Variants in L3MBTL1 observed in about 807,000 individuals in gnomAD.
The protein encoded by L3MBTL1 is L3MBTL histone methyl-lysine binding protein 1, also known as lethal(3)malignant brain tumor-like protein 1.
A neutral mutation model predicts 105.3 loss-of-function variants in L3MBTL1; 75 were observed. The ratio of observed to expected loss-of-function variants is 0.71; its 90% confidence interval spans 0.59 to 0.86. The LOEUF is 0.86. L3MBTL1 is among the 40% of genes least tolerant of loss of function. The probability of loss-of-function intolerance (pLI) is 0.00; values close to 1 mark genes in which losing one functional copy is unlikely to be tolerated. For synonymous variants in L3MBTL1, 452 were observed against 436.2 expected (o/e 1.04, Z -0.45); for missense variants, 1,069 against 1,126.4 (o/e 0.95, Z 0.73).
intron 1 of L3MBTL1, among the ~76,000 whole-genome samples, chr20:43,508,199 T>C (rs943239569): frequency 5.9e-5 from 9 of 151,934 alleles, no homozygotes; most frequent in African/African-American, 2.2e-4. Flanking sequence ...TCTCTCTTTT[T>C]TTTTTTTTGG....
At chr20:43,532,208 C>CT (rs1191105412) in intron 11 of L3MBTL1, 1 of 152,342 alleles carries the variant, frequency 6.6e-6, no homozygotes, top group Non-Finnish European at 1.5e-5. Flanking sequence ...CGAATGCCGA[C>CT]TTTTAATTCA....
chr20:43,534,332 C>T lies in L3MBTL1; in HGVS notation c.1648C>T (p.Arg550Cys), dbSNP rs773534117. Residue 550 changes from arginine (R) to cysteine (C), a missense_variant, in exon 15 of 22, where the codon CGC (arginine) becomes TGC (cysteine). Coordinates refer to ENST00000418998, the MANE Select transcript of L3MBTL1 (RefSeq NM_001377303.1). ...CAATATGAAGCTGGAGGCTGTGGAC[C>T]GCAGGAACCCAGCCCTGATTCGCGT... ...LVNMKLEAVD[R>C]RNPALIRVAS... The T allele has an allele frequency of 3.1e-6, 5 of 1,614,114 alleles. No individual in the cohort carries two copies. The highest frequency in any genetic ancestry group is 2.2e-5 in the East Asian group (1 of 44,870).
rs948236514 is a variant in L3MBTL1, at chr20:43,514,900, TCCGATGCGGAGATGGA to T, written c.503-104_503-89del. ...GGGTGGAGAAGGCTGGAGGAGGCCA[TCCGATGCGGAGATGGA>T]CCGAGGCGGAGGCAGGGCCTGAGGG... On this transcript the variant is annotated intron_variant, in intron 4 of 21. Coordinates refer to ENST00000418998, the MANE Select transcript of L3MBTL1 (RefSeq NM_001377303.1). The T allele has an allele frequency of 5.1e-5, 75 of 1,472,432 alleles. No individual in the cohort carries two copies. In the African/African-American group the frequency reaches 1.0e-3, roughly 20 times the overall value. The allele number at this position is 1,472,432 out of a possible 1,614,324, so 91.2% of individuals were successfully genotyped here. A position where few individuals can be genotyped will look rare whatever the true frequency, so the allele number is the denominator to read the frequency against.
chr20:43,540,898 AC>A (rs370503597), intron 21 of L3MBTL1, 35 bp from the exon 22 acceptor site: 3 of 1,613,080 alleles, frequency 1.9e-6, no homozygotes, highest in African/African-American at 2.7e-5. Context: ...CCCCAGCGTC[AC>A]TTCTGCTAAG....
chr20:43,519,263 G>A (rs1297638197), intron 7 of L3MBTL1, among the ~76,000 whole-genome samples: 8 of 151,144 alleles, frequency 5.3e-5, no homozygotes, highest in Admixed American at 2.0e-4. Flanking sequence ...CTTGAACCCA[G>A]GAGGCAGAGG....
chr20:43,539,446 T>C (rs2019794083), intron 19 of L3MBTL1: 1 of 154,526 alleles, frequency 6.5e-6, no homozygotes, highest in Non-Finnish European at 1.4e-5. Context: ...GCAGCATCGG[T>C]CATCAGCTCA....
In L3MBTL1 at chr20:43,514,639, G is replaced by T; in HGVS notation, c.365G>T (p.Arg122Leu). 6.3e-7 allele frequency: 1 copy of T among 1,598,348 alleles called. No homozygotes were observed. The highest frequency in any genetic ancestry group is 2.3e-5 in the East Asian group (1 of 44,178). Residue 122 changes from arginine (R) to leucine (L), a missense_variant, in exon 4 of 22, where the codon CGG becomes CTG. Physicochemically the swap from Arg to Leu is moderately radical, Grantham distance 102. Coordinates refer to ENST00000418998, the MANE Select transcript of L3MBTL1 (RefSeq NM_001377303.1). ...APPPGGGLRFRISEYKPLNMA... is the reference protein window; with the variant it reads ...APPPGGGLRFLISEYKPLNMA... ...TCAGACCCTCCCGCGCTCCAGTTCC[G>T]GATAAGCGAGTATAAGCCGCTGAAC...
At chr20:43,521,497 C>T (rs1262511254) in intron 7 of L3MBTL1, among the ~76,000 whole-genome samples, 2 of 152,086 alleles carry the variant, frequency 1.3e-5, no homozygotes, top group Non-Finnish European at 2.9e-5. Context: ...AAGAATAGAG[C>T]TAAGAGAGTG....
intron 1 of L3MBTL1, among the ~76,000 whole-genome samples, chr20:43,509,951 C>T (rs1322765827): frequency 1.3e-5 from 2 of 152,300 alleles, no homozygotes; most frequent in Non-Finnish European, 2.9e-5. Context: ...GCAACCTCCA[C>T]CTCCTGGGTT....
chr20:43,524,579 A>T (rs774902274), intron 7 of L3MBTL1, among the ~76,000 whole-genome samples: 35 of 152,062 alleles, frequency 2.3e-4, no homozygotes, highest in Non-Finnish European at 4.9e-4. Flanking sequence ...GAAAGGTTCC[A>T]TGGGGTAGAT....
At position 43,513,904 on chromosome 20, in the gene L3MBTL1, T is replaced by G; in HGVS notation, c.203T>G (p.Ile68Ser). The G allele has an allele frequency of 3.2e-6, 5 of 1,550,580 alleles. No individual in the cohort carries two copies. Among genetic ancestry groups the G allele is most frequent in the Non-Finnish European group, 4.4e-6 (5 of 1,146,988 alleles). Residue 68 changes from isoleucine (I) to serine (S), a missense_variant, in exon 3 of 22, where the codon ATC becomes AGC. By Grantham distance (142) the Ile-to-Ser change is moderately radical. Coordinates refer to ENST00000418998, the MANE Select transcript of L3MBTL1 (RefSeq NM_001377303.1). ...GTGTCTTGCTTTCCCCGGGAGCCAA[T>G]CCATGTGGGTGCCCCGGAGCAAGTG... is the stretch of plus-strand genomic sequence containing the variant. ...LDVSCFPREP[I>S]HVGAPEQVAG...
Position 43,536,141 on chromosome 20 carries a change from G to T in L3MBTL1, c.1970G>T (p.Gly657Val). Reference protein sequence around the residue: ...PGCDGSGHVTGKFTAHHCLSG... With the variant: ...PGCDGSGHVTVKFTAHHCLSG... The stretch of plus-strand genomic sequence containing the variant: ...TGCGACGGCTCTGGCCATGTCACAG[G>T]CAAGTTCACAGCTCACCATTGCCTC... Residue 657 changes from glycine (G) to valine (V), a missense_variant, in exon 18 of 22, where the codon GGC becomes GTC. Coordinates refer to ENST00000418998, the MANE Select transcript of L3MBTL1 (RefSeq NM_001377303.1). 6.2e-7 allele frequency: 1 copy of T among 1,613,778 alleles called. No homozygotes were observed. The highest frequency in any genetic ancestry group is 8.5e-7 in the Non-Finnish European group (1 of 1,180,040).
At chr20:43,523,570 C>T in intron 7 of L3MBTL1, 1 of 248,460 alleles carries the variant, frequency 4.0e-6, no homozygotes, top group Admixed American at 3.9e-5. Flanking sequence ...TATCCTGCGG[C>T]ATTGTTCTCT....
chr20:43,548,093 C>T, intron 18 of L3MBTL1: 1 of 1,303,606 alleles, frequency 7.7e-7, no homozygotes, highest in Non-Finnish European at 1.0e-6. Flanking sequence ...TTTCCACCTC[C>T]CTCCCGCAAC....
intron 7 of L3MBTL1, 68 bp from the exon 8 acceptor site, chr20:43,528,588 AG>A (rs2019155526): frequency 8.6e-7 from 1 of 1,160,348 alleles, no homozygotes; most frequent in African/African-American, 1.5e-5. Flanking sequence ...GAGCTTGGTC[AG>A]GGGAAGCCGA....
At chr20:43,538,483 C>T (rs1402020636) in intron 19 of L3MBTL1, among the ~76,000 whole-genome samples, 1 of 152,194 alleles carries the variant, frequency 6.6e-6, no homozygotes, top group African/African-American at 2.4e-5. Context: ...CCAGAAGAGC[C>T]ACTGGTCACT....
Position 43,532,879 on chromosome 20 carries a change from G to A in L3MBTL1, c.1391G>A (p.Arg464His), listed in dbSNP as rs559497364. Residue 464 changes from arginine (R) to histidine (H), a missense_variant, in exon 12 of 22, where the codon CGC (arginine) becomes CAC (histidine). Coordinates refer to ENST00000418998, the MANE Select transcript of L3MBTL1 (RefSeq NM_001377303.1). Reference sequence around the variant, plus strand: ...AGTGTGACCGATGTGGTGGACAGCCGCTTCCTGGTGCACTTTGACAACTGG... The same window carrying A: ...AGTGTGACCGATGTGGTGGACAGCCACTTCCTGGTGCACTTTGACAACTGG... ...VASVTDVVDS[R>H]FLVHFDNWDD... 6.2e-6 allele frequency: 10 copies of A among 1,614,118 alleles called. No individual in the cohort carries two copies. The highest frequency in any genetic ancestry group is 3.3e-5 in the South Asian group (3 of 91,078).
downstream of L3MBTL1, among the ~76,000 whole-genome samples, chr20:43,543,236 A>C (rs1490345493): frequency 6.6e-6 from 1 of 152,162 alleles, no homozygotes; most frequent in African/African-American, 2.4e-5. Flanking sequence ...TTCCAACCTC[A>C]TACAGCTTGC....
At chr20:43,530,665 A>G (rs6017103) in intron 10 of L3MBTL1, 133 bp from the exon 11 acceptor site, 160,492 of 871,196 alleles carry the variant, frequency 0.18, 15,994 homozygotes, top group African/African-American at 0.29. Context: ...AGTAGTGGGG[A>G]ATCCCTGGGC....
Sources: gnomAD v4.1 joint callset for allele counts (sites outside exome capture counted in the v4.1 genomes callset) on GRCh38, gnomAD v4.1.1 for gene constraint, MANE v1.5 for transcripts, NCBI Gene and HGNC (gene_info 2026-07-23, HGNC 2026-07-21) for gene names.